The following FRMPD4 variants were observed in gnomAD, a reference collection of about 807,000 sequenced individuals.
FRMPD4 encodes the protein FERM and PDZ domain containing 4.
A neutral mutation model predicts 94.1 loss-of-function variants in FRMPD4; 22 were observed. The ratio of observed to expected loss-of-function variants is 0.23; its 90% CI spans 0.17 to 0.33. The LOEUF is 0.33. FRMPD4 is among the 10% of genes least tolerant of loss of function. FRMPD4 has a pLI of 1.00. For missense variants in FRMPD4, 1,111 were observed against 1,339.9 expected (o/e 0.83, Z 2.67); for synonymous variants, 631 against 548.6 (o/e 1.15, Z -2.10).
chrX:12,321,591 G>T (rs935489376), intron 1 of FRMPD4, among the ~76,000 whole-genome samples: 3 of 112,074 alleles, frequency 2.7e-5, no homozygotes, highest in African/African-American at 9.7e-5. Context: ...TAGATGTACC[G>T]AATGCATTTT....
chrX:12,178,074 G>A (rs945957374), intron 1 of FRMPD4, among the ~76,000 whole-genome samples: 3 of 110,991 alleles, frequency 2.7e-5, no homozygotes, highest in African/African-American at 6.6e-5. Flanking sequence ...GAGGTGATTA[G>A]GTCATGAGGG....
intron 1 of FRMPD4, among the ~76,000 whole-genome samples, chrX:12,303,858 C>T (rs2054896001): frequency 8.9e-6 from 1 of 112,147 alleles, no homozygotes; most frequent in Non-Finnish European, 1.9e-5. Context: ...AGAGAAAAAA[C>T]TCAAGTCAAA....
intron 1 of FRMPD4, among the ~76,000 whole-genome samples, chrX:12,297,392 T>C (rs2147885027): frequency 8.9e-6 from 1 of 112,215 alleles, no homozygotes; most frequent in Admixed American, 9.5e-5. Flanking sequence ...TATGGCCTTC[T>C]TGCTGCATCA....
chrX:12,141,448 G>A (rs1230082260), intron 1 of FRMPD4, among the ~76,000 whole-genome samples: 2 of 111,934 alleles, frequency 1.8e-5, no homozygotes, highest in African/African-American at 3.2e-5. Context: ...AATATTATTC[G>A]ACACTGGAAT....
intron 1 of FRMPD4, chrX:12,495,071 T>TA (rs928325639): frequency 8.0e-5 from 51 of 637,691 alleles, no homozygotes; most frequent in Admixed American, 8.9e-5. Flanking sequence ...GGATTTCTGG[T>TA]AAAAAACTTT....
intron 1 of FRMPD4, among the ~76,000 whole-genome samples, chrX:12,343,297 T>G (rs1292422670): frequency 1.8e-5 from 2 of 112,062 alleles, no homozygotes; most frequent in African/African-American, 3.2e-5. Flanking sequence ...CTCTGTGCTT[T>G]GATTTTCTAA....
At chrX:12,517,935 C>A (rs777743836) in intron 2 of FRMPD4, among the ~76,000 whole-genome samples, 83 of 112,302 alleles carry the variant, frequency 7.4e-4, no homozygotes, top group African/African-American at 2.6e-3. Flanking sequence ...TAGGCCCCGC[C>A]CGGTGAGTAG....
chrX:12,721,001 A>G lies in FRMPD4; in HGVS notation c.4432A>G (p.Lys1478Glu). 3 of 771,503 alleles carry G rather than the reference A, an allele frequency of 3.9e-6. No individual in the cohort carries two copies. Among genetic ancestry groups the G allele is most frequent in the Non-Finnish European group, 4.6e-6 (3 of 648,623 alleles). 63.6% of individuals were successfully genotyped at this position (771,503 alleles called of 1,213,427 possible). Residue 1478 changes from lysine (K) to glutamate (E), a missense_variant, in exon 17 of 17, where the codon AAA (lysine) becomes GAA (glutamate). Lys to Glu is a moderately conservative substitution (Grantham distance 56). Transcript: ENST00000675598. ...RFHKRSPVAHKDSKLYRTLPL... is the reference protein window; with the variant it reads ...RFHKRSPVAHEDSKLYRTLPL... ...TCACAAAAGGTCCCCAGTGGCTCATAAAGACTCAAAGCTGTATAGGACATT... is the reference window on the plus strand; with the variant it reads ...TCACAAAAGGTCCCCAGTGGCTCATGAAGACTCAAAGCTGTATAGGACATT...
chrX:12,336,851 AGT>A (rs1569236677), intron 1 of FRMPD4, among the ~76,000 whole-genome samples: 2 of 111,819 alleles, frequency 1.8e-5, no homozygotes, highest in Non-Finnish European at 3.8e-5. Flanking sequence ...AAAGACAAGC[AGT>A]GTGTGTGTCG....
At chrX:12,353,684 G>A (rs974197714) in intron 1 of FRMPD4, among the ~76,000 whole-genome samples, 1 of 112,512 alleles carries the variant, frequency 8.9e-6, no homozygotes, top group Admixed American at 9.4e-5. Context: ...AGCAAACCTG[G>A]ATAAGCACCT....
At chrX:12,673,022 G>A (rs1395578678) in intron 4 of FRMPD4, among the ~76,000 whole-genome samples, 1 of 111,661 alleles carries the variant, frequency 9.0e-6, no homozygotes, top group Non-Finnish European at 1.9e-5. Context: ...AGTCGTGAAT[G>A]TGACTTGGCT....
chrX:12,215,029 C>T (rs5935270), intron 1 of FRMPD4, among the ~76,000 whole-genome samples: 2 of 109,588 alleles, frequency 1.8e-5, no homozygotes, highest in Non-Finnish European at 3.8e-5. Flanking sequence ...ATGCGTGTAC[C>T]TTATACCAGA....
At chrX:12,134,895 T>C (rs1343317921), upstream of FRMPD4, among the ~76,000 whole-genome samples, 1 of 112,409 alleles carries the variant, frequency 8.9e-6, no homozygotes, top group South Asian at 3.7e-4. Flanking sequence ...TGTAGCCAAC[T>C]GTAAACTGGT....
intron 3 of FRMPD4, among the ~76,000 whole-genome samples, chrX:11,915,322 A>G (rs921118450): frequency 8.9e-6 from 1 of 112,535 alleles, no homozygotes; most frequent in Non-Finnish European, 1.9e-5. Context: ...TTTTCTAATA[A>G]TAGAGATTGC....
chrX:12,220,547 C>T (rs2056854457), intron 1 of FRMPD4, among the ~76,000 whole-genome samples: 1 of 111,925 alleles, frequency 8.9e-6, no homozygotes, highest in Non-Finnish European at 1.9e-5. Flanking sequence ...GGTTGAGAAG[C>T]GGCTTATATT....
At chrX:12,532,161 T>C (rs763714013) in intron 2 of FRMPD4, among the ~76,000 whole-genome samples, 8 of 112,250 alleles carry the variant, frequency 7.1e-5, no homozygotes, top group Admixed American at 6.6e-4. Context: ...GCAGCTCAAG[T>C]ATCAACCCTG....
intron 1 of FRMPD4, among the ~76,000 whole-genome samples, chrX:11,825,446 G>A (rs1221154701): frequency 9.0e-6 from 1 of 110,498 alleles, no homozygotes; most frequent in Non-Finnish European, 1.9e-5. Context: ...CCAAAAGAAA[G>A]GGAAATGTCT....
At chrX:12,446,505 T>C (rs934908296) in intron 1 of FRMPD4, among the ~76,000 whole-genome samples, 1 of 112,129 alleles carries the variant, frequency 8.9e-6, no homozygotes, top group African/African-American at 3.2e-5. Context: ...CATCTTGAAT[T>C]GTAGCACCCA....
intron 13 of FRMPD4, among the ~76,000 whole-genome samples, chrX:12,709,175 A>G (rs1044139043): frequency 1.8e-5 from 2 of 111,881 alleles, no homozygotes; most frequent in South Asian, 3.8e-4. Context: ...GGAGACCTCA[A>G]CTGAAGTGGA....
Sources: allele counts gnomAD v4.1 joint callset (sites outside exome capture counted in the v4.1 genomes callset), GRCh38; gene constraint gnomAD v4.1.1; transcripts MANE v1.5; gene names NCBI Gene and HGNC (gene_info 2026-07-23, HGNC 2026-07-21).